The following SAMD13 variants were observed in gnomAD, a reference collection of about 807,000 sequenced individuals.
SAMD13 encodes sterile alpha motif domain-containing protein 13.
Under a neutral mutation model 12.4 loss-of-function variants are expected in SAMD13, and 9 were observed. That is an observed-to-expected ratio of 0.72 (90% CI 0.44 to 1.26). SAMD13 has a LOEUF of 1.26. Ranked by LOEUF, SAMD13 falls within the 50% of genes most tolerant of loss-of-function variation. The pLI is 0.00. For missense variants in SAMD13, 84 were observed against 119.6 expected, an observed-to-expected ratio of 0.70 and a Z score of 1.39; for synonymous variants, 46 against 45.4, an observed-to-expected ratio of 1.01 and a Z score of -0.05.
At chr1:84,301,221 A>AT (rs1189550478), upstream of SAMD13, among the ~76,000 whole-genome samples, 1 of 152,204 alleles carries the variant, frequency 6.6e-6, no homozygotes, top group African/African-American at 2.4e-5. Flanking sequence ...GAGATTACTT[A>AT]AAAGCCAGCC....
At chr1:84,299,328 A>G (rs961570862), upstream of SAMD13, among the ~76,000 whole-genome samples, 3 of 152,176 alleles carry the variant, frequency 2.0e-5, no homozygotes, top group Non-Finnish European at 4.4e-5. Flanking sequence ...ATCTGAGCGC[A>G]TTCCCAAGTG....
At chr1:84,304,709 T>G (rs939774234) in intron 2 of SAMD13, among the ~76,000 whole-genome samples, 7 of 152,088 alleles carry the variant, frequency 4.6e-5, no homozygotes, top group African/African-American at 1.2e-4. Flanking sequence ...TATGCTGTCA[T>G]TATAAATTAG....
chr1:84,334,181 C>T (rs968479253), intron 3 of SAMD13, among the ~76,000 whole-genome samples: 2 of 152,002 alleles, frequency 1.3e-5, no homozygotes, highest in African/African-American at 2.4e-5. Context: ...TCCATCTGGT[C>T]CTGGGCTGCT....
At chr1:84,299,310 CT>C, upstream of SAMD13, among the ~76,000 whole-genome samples, 1 of 152,226 alleles carries the variant, frequency 6.6e-6, no homozygotes, top group East Asian at 1.9e-4. Flanking sequence ...ACCGCCTCCC[CT>C]CTCCCTATCT....
intron 2 of SAMD13, among the ~76,000 whole-genome samples, chr1:84,321,940 G>A (rs1678955909): frequency 6.6e-6 from 1 of 152,210 alleles, no homozygotes; most frequent in Non-Finnish European, 1.5e-5. Context: ...ACCTAGAAGT[G>A]ATGGTTTATG....
chr1:84,313,339 T>C lies in SAMD13; in HGVS notation c.53+10052T>C, dbSNP rs138352051. On this transcript the variant is annotated intron_variant, in intron 2 of 3. Transcript: ENST00000394834. Reference sequence around the variant, plus strand: ...ACAGATTTGGGATGAATTATAAACTTTGGTACGTGACACACTCTTATCATT... The same window carrying C: ...ACAGATTTGGGATGAATTATAAACTCTGGTACGTGACACACTCTTATCATT... 4.1e-3 allele frequency among the ~76,000 whole-genome samples: 627 copies of C among 152,230 alleles called. 5 individuals carry two copies. Among genetic ancestry groups the C allele is most frequent in the African/African-American group, 0.014 (596 of 41,536 alleles).
chr1:84,331,252 G>T (rs1333686076), intron 3 of SAMD13, among the ~76,000 whole-genome samples: 1 of 133,086 alleles, frequency 7.5e-6, no homozygotes, highest in East Asian at 2.5e-4. Context: ...TCTAGATGGA[G>T]ATTTCTAATT....
At chr1:84,320,789 T>C (rs918277806) in intron 2 of SAMD13, among the ~76,000 whole-genome samples, 1 of 152,194 alleles carries the variant, frequency 6.6e-6, no homozygotes, top group East Asian at 1.9e-4. Flanking sequence ...AAATATATCA[T>C]CATAATATGT....
intron 3 of SAMD13, chr1:84,345,224 GAAGA>G (rs1272509032): frequency 2.2e-6 from 1 of 456,112 alleles, no homozygotes; most frequent in Non-Finnish European, 4.4e-6. Context: ...ATGTGAGGGG[GAAGA>G]ATGAAGCAGA....
intron 2 of SAMD13, among the ~76,000 whole-genome samples, chr1:84,306,830 A>AAATAAC (rs112533725): frequency 2.1e-5 from 3 of 144,462 alleles, no homozygotes; most frequent in Non-Finnish European, 4.5e-5. Context: ...CTCCGTCTCA[A>AAATAAC]AATAATAATA....
At chr1:84,339,515 C>T (rs1241743971) in intron 3 of SAMD13, among the ~76,000 whole-genome samples, 5 of 152,146 alleles carry the variant, frequency 3.3e-5, no homozygotes, top group Admixed American at 2.6e-4. Flanking sequence ...CGGGCCACAG[C>T]TTTGTTCTCT....
At chr1:84,325,235 C>A (rs146168429) in intron 2 of SAMD13, among the ~76,000 whole-genome samples, 3 of 152,040 alleles carry the variant, frequency 2.0e-5, no homozygotes, top group Non-Finnish European at 4.4e-5. Flanking sequence ...ACAGAATGTG[C>A]AGAGGCTCAG....
intron 3 of SAMD13, among the ~76,000 whole-genome samples, chr1:84,334,542 A>G (rs573860894): frequency 8.5e-4 from 129 of 151,936 alleles, no homozygotes; most frequent in African/African-American, 3.1e-3. Context: ...ATGGTTTTTC[A>G]TGTCTCAGTT....
intron 3 of SAMD13, among the ~76,000 whole-genome samples, chr1:84,332,887 T>C (rs542201605): frequency 6.6e-6 from 1 of 152,306 alleles, no homozygotes; most frequent in East Asian, 1.9e-4. Flanking sequence ...CTCTAAACTA[T>C]CTTGAATTGA....
chr1:84,301,268 A>G (rs1047894406), upstream of SAMD13, among the ~76,000 whole-genome samples: 2 of 152,198 alleles, frequency 1.3e-5, no homozygotes, highest in African/African-American at 2.4e-5. Flanking sequence ...TTAGGAAAAA[A>G]AGAGTAACAT....
chr1:84,299,634 G>A (rs763018452), upstream of SAMD13: 3 of 1,492,498 alleles, frequency 2.0e-6, no homozygotes, highest in African/African-American at 2.9e-5. Context: ...ACAGTTTGTT[G>A]GAGGGAGTGT....
At chr1:84,304,541 A>G (rs1338478768) in intron 2 of SAMD13, among the ~76,000 whole-genome samples, 2 of 152,174 alleles carry the variant, frequency 1.3e-5, no homozygotes, top group Non-Finnish European at 1.5e-5. Flanking sequence ...AATAAATTGC[A>G]TGTGTGTAAA....
chr1:84,336,124 A>G (rs1175841150), intron 3 of SAMD13, among the ~76,000 whole-genome samples: 5 of 152,218 alleles, frequency 3.3e-5, no homozygotes, highest in Admixed American at 6.5e-5. Flanking sequence ...TTCACGGACA[A>G]TATCCTCAAA....
At chr1:84,321,606 A>G (rs1158149391) in intron 2 of SAMD13, among the ~76,000 whole-genome samples, 1 of 152,228 alleles carries the variant, frequency 6.6e-6, no homozygotes, top group East Asian at 1.9e-4. Context: ...TGATATGCAT[A>G]GGTCATAAGA....
Sources: gnomAD v4.1 joint callset for allele counts (sites outside exome capture counted in the v4.1 genomes callset) on GRCh38, gnomAD v4.1.1 for gene constraint, MANE v1.5 for transcripts, NCBI Gene and HGNC (gene_info 2026-07-23, HGNC 2026-07-21) for gene names.